LRMDA: variants seen among roughly 807,000 people sequenced by gnomAD.
The protein encoded by LRMDA is leucine rich melanocyte differentiation associated, also known as leucine-rich melanocyte differentiation-associated protein.
Under a neutral mutation model 29.8 loss-of-function variants are expected in LRMDA, and 18 were observed. The ratio of observed to expected loss-of-function variants is 0.60; its 90% CI spans 0.42 to 0.90. The LOEUF (loss-of-function observed/expected upper bound fraction) is 0.90, where lower values mean the gene tolerates loss of function less well. Ranked by LOEUF, LRMDA falls within the 40% of genes least tolerant of loss-of-function variation. The pLI, the probability that LRMDA is intolerant of heterozygous loss-of-function variation, is 0.00. For synonymous variants in LRMDA, 125 were observed against 109.4 expected (o/e 1.14, Z -0.89); for missense variants, 273 against 273.9 (o/e 1.00, Z 0.02).
At chr10:75,618,150 A>G (rs1265167449) in intron 2 of LRMDA, among the ~76,000 whole-genome samples, 2 of 151,978 alleles carry the variant, frequency 1.3e-5, no homozygotes, top group African/African-American at 4.8e-5. Flanking sequence ...GTTGTTTAAC[A>G]TTTTTCTGCA....
intron 1 of LRMDA, among the ~76,000 whole-genome samples, chr10:75,433,146 T>G (rs2132017920): frequency 6.6e-6 from 1 of 152,244 alleles, no homozygotes; most frequent in East Asian, 1.9e-4. Flanking sequence ...AAGAGGGTCT[T>G]TTCCTTCTCT....
chr10:76,113,448 T>A (rs904035761), intron 5 of LRMDA, among the ~76,000 whole-genome samples: 6 of 151,320 alleles, frequency 4.0e-5, no homozygotes, highest in South Asian at 4.2e-4. Flanking sequence ...ATGGAAGAGA[T>A]GAGTGAGAGG....
chr10:75,697,137 A>C (rs1335901291), intron 2 of LRMDA, among the ~76,000 whole-genome samples: 1 of 152,246 alleles, frequency 6.6e-6, no homozygotes, highest in East Asian at 1.9e-4. Context: ...AGGAGGTGAG[A>C]TCAGTAGGAA....
At chr10:76,037,259 T>C (rs991817691) in intron 3 of LRMDA, among the ~76,000 whole-genome samples, 10 of 152,246 alleles carry the variant, frequency 6.6e-5, no homozygotes, top group African/African-American at 2.4e-4. Context: ...GACTCAGTGG[T>C]CCAATGGCTT....
chr10:75,892,540 A>G (rs193255309), intron 2 of LRMDA, among the ~76,000 whole-genome samples: 2 of 152,324 alleles, frequency 1.3e-5, no homozygotes, highest in Non-Finnish European at 2.9e-5. Context: ...ACCTGACTCA[A>G]TGTCCTTTTT....
chr10:76,436,484 C>T (rs995347965), intron 6 of LRMDA, among the ~76,000 whole-genome samples: 3 of 152,172 alleles, frequency 2.0e-5, no homozygotes, highest in Non-Finnish European at 4.4e-5. Flanking sequence ...GTTGCCCTCA[C>T]CTTCTCTACG....
intron 2 of LRMDA, among the ~76,000 whole-genome samples, chr10:76,030,673 C>T (rs1848134647): frequency 6.6e-6 from 1 of 152,194 alleles, no homozygotes; most frequent in South Asian, 2.1e-4. Context: ...CCTGTAGTCC[C>T]AGCTACTCAG....
At chr10:75,837,434 G>A (rs1461142029) in intron 2 of LRMDA, among the ~76,000 whole-genome samples, 1 of 152,084 alleles carries the variant, frequency 6.6e-6, no homozygotes, top group Non-Finnish European at 1.5e-5. Flanking sequence ...TTGTCTATAG[G>A]ACAATTGTCA....
intron 2 of LRMDA, among the ~76,000 whole-genome samples, chr10:75,499,417 C>T (rs947490839): frequency 7.2e-5 from 11 of 152,160 alleles, no homozygotes; most frequent in African/African-American, 1.2e-4. Flanking sequence ...GGTCTGGCTT[C>T]GTACTCCCCA....
intron 2 of LRMDA, among the ~76,000 whole-genome samples, chr10:75,462,243 T>C (rs1844594912): frequency 6.6e-6 from 1 of 152,274 alleles, no homozygotes; most frequent in Non-Finnish European, 1.5e-5. Context: ...TACTCATCTG[T>C]CTTTTTTAAT....
At chr10:76,002,761 G>C (rs544051250) in intron 2 of LRMDA, among the ~76,000 whole-genome samples, 1 of 152,254 alleles carries the variant, frequency 6.6e-6, no homozygotes, top group South Asian at 2.1e-4. Context: ...GAGGCAAGGA[G>C]GGGCTCCTAC....
intron 2 of LRMDA, among the ~76,000 whole-genome samples, chr10:75,465,237 T>C (rs1312417261): frequency 2.0e-5 from 3 of 152,238 alleles, no homozygotes; most frequent in African/African-American, 7.2e-5. Flanking sequence ...TGGAATGTTT[T>C]TGTCACGTGG....
intron 2 of LRMDA, among the ~76,000 whole-genome samples, chr10:75,522,202 C>T (rs1012175547): frequency 3.9e-5 from 6 of 152,132 alleles, no homozygotes; most frequent in Admixed American, 1.3e-4. Context: ...GTAGATACTG[C>T]GACTATCCTG....
At chr10:75,874,686 A>G (rs1460135986) in intron 2 of LRMDA, among the ~76,000 whole-genome samples, 1 of 152,216 alleles carries the variant, frequency 6.6e-6, no homozygotes, top group East Asian at 1.9e-4. Flanking sequence ...CTACAATACT[A>G]TGCTGTAAAC....
At chr10:75,889,023 T>C (rs1845438040) in intron 2 of LRMDA, among the ~76,000 whole-genome samples, 4 of 152,178 alleles carry the variant, frequency 2.6e-5, no homozygotes, top group Admixed American at 2.0e-4. Flanking sequence ...AGTACAAAGA[T>C]ATAAATGGAA....
chr10:76,225,781 G>A (rs993132878), intron 5 of LRMDA, among the ~76,000 whole-genome samples: 2 of 150,090 alleles, frequency 1.3e-5, no homozygotes, highest in Non-Finnish European at 3.0e-5. Context: ...CAACATGCAG[G>A]TTTGCTACAT....
chr10:75,926,427 T>A (rs1846121196), intron 2 of LRMDA, among the ~76,000 whole-genome samples: 1 of 152,194 alleles, frequency 6.6e-6, no homozygotes, highest in South Asian at 2.1e-4. Flanking sequence ...ACATGTATGT[T>A]TACACTCTGC....
chr10:76,010,640 A>G lies in LRMDA; in HGVS notation c.132-25368A>G, dbSNP rs542520761. 2.0e-3 allele frequency among the ~76,000 whole-genome samples: 304 copies of G among 152,248 alleles called. 1 individual carries two copies. The highest frequency in any genetic ancestry group is 3.1e-3 in the Non-Finnish European group (213 of 68,006). On this transcript the variant is annotated intron_variant, in intron 2 of 6. Transcript: ENST00000611255. ...ATCCATATTTTTAAGAGTAGGCAAC[A>G]TCCATTCCAGGACATTCTCTGCAGT...
chr10:76,313,943 C>T (rs957774294), intron 5 of LRMDA, among the ~76,000 whole-genome samples: 1 of 151,928 alleles, frequency 6.6e-6, no homozygotes, highest in African/African-American at 2.4e-5. Context: ...GAACTTTACT[C>T]ATTTGTTAAT....
Sources: gnomAD v4.1 joint callset for allele counts (sites outside exome capture counted in the v4.1 genomes callset) on GRCh38, gnomAD v4.1.1 for gene constraint, MANE v1.5 for transcripts, NCBI Gene and HGNC (gene_info 2026-07-23, HGNC 2026-07-21) for gene names.